SF3A1: variants seen among roughly 807,000 people sequenced by gnomAD.
The protein encoded by SF3A1 is SAP 114.
In SF3A1, 13 loss-of-function variants were observed where a neutral mutation model predicts 89.9. The ratio of observed to expected loss-of-function variants is 0.14; its 90% CI spans 0.09 to 0.23. The LOEUF (loss-of-function observed/expected upper bound fraction) is 0.23. Among genes scored for constraint, SF3A1 ranks in the 10% least tolerant of loss-of-function variants. The probability of loss-of-function intolerance (pLI) is 1.00; values close to 1 mark genes in which losing one functional copy is unlikely to be tolerated. For missense variants in SF3A1, 604 were observed against 1,022.1 expected (o/e 0.59, Z 5.58); for synonymous variants, 405 against 374.4 (o/e 1.08, Z -0.94).
At position 30,337,851 on chromosome 22, in the gene SF3A1, A is replaced by G; in HGVS notation, c.1790T>C (p.Met597Thr). The change falls in exon 12 of 16, where the codon ATG becomes ACG. Residue 597 changes from methionine (M) to threonine (T), a missense_variant. By Grantham distance (81) the Met-to-Thr change is moderately conservative. This residue lies in a region of SF3A1 where 85 missense variants were observed against 137.3 expected (regional missense o/e 0.62). Transcript: ENST00000215793. ...CACAGATGCCATTGGGGGCCGGGGCATGACGGGTACTGCGGAGACAACTGT... is the reference window on the plus strand; with the variant it reads ...CACAGATGCCATTGGGGGCCGGGGCGTGACGGGTACTGCGGAGACAACTGT... ...RTTVVSAVPV[M>T]PRPPMASVVR... The G allele has an allele frequency of 6.2e-7, 1 of 1,609,344 alleles. No homozygotes were observed. Among genetic ancestry groups the G allele is most frequent in the South Asian group, 1.1e-5 (1 of 89,248 alleles).
Position 30,350,313 on chromosome 22 carries a change from T to TA in SF3A1, c.185+2637dup, listed in dbSNP as rs898407699. ...ATCTATACAAAAAAACTAAAAAAAATAAAAAAAATAAAAAAAAAATTAGCT... is the reference window on the plus strand; with the variant it reads ...ATCTATACAAAAAAACTAAAAAAAATAAAAAAAAATAAAAAAAAAATTAGCT... On this transcript the variant is annotated intron_variant, in intron 2 of 15. Transcript: ENST00000215793. 1.1e-3 allele frequency among the ~76,000 whole-genome samples: 152 copies of TA among 139,488 alleles called. 4 individuals carry two copies. Among genetic ancestry groups the TA allele is most frequent in the South Asian group, 7.2e-3 (32 of 4,474 alleles). 91.5% of individuals were successfully genotyped at this position (139,488 alleles called of 152,430 possible).
At chr22:30,347,370 C>T (rs1931452742) in intron 2 of SF3A1, among the ~76,000 whole-genome samples, 1 of 152,118 alleles carries the variant, frequency 6.6e-6, no homozygotes, top group South Asian at 2.1e-4. Context: ...AAAACCACCC[C>T]CATTATACTG....
intron 2 of SF3A1, among the ~76,000 whole-genome samples, chr22:30,351,777 C>T (rs138816748): frequency 1.3e-3 from 203 of 152,348 alleles, no homozygotes; most frequent in African/African-American, 4.4e-3. Flanking sequence ...GGATTACAAG[C>T]AAGAGCCACA....
intron 4 of SF3A1, 131 bp downstream of exon 4, chr22:30,344,802 T>C: frequency 9.6e-7 from 1 of 1,041,614 alleles, no homozygotes; most frequent in Non-Finnish European, 1.4e-6. Context: ...TAAACTGGGA[T>C]TCAAAACATT....
At chr22:30,342,594 G>A (rs1433458159) in intron 5 of SF3A1, 1 of 624,888 alleles carries the variant, frequency 1.6e-6, no homozygotes, top group Non-Finnish European at 2.8e-6. Flanking sequence ...AAAAGAGGGA[G>A]ATATATTGAG....
Position 30,335,567 on chromosome 22 carries a change from T to C in SF3A1, c.2209-29A>G, listed in dbSNP as rs1387420426. 3 of 1,613,714 alleles carry C rather than the reference T, an allele frequency of 1.9e-6. No homozygotes were observed. In the South Asian group the frequency reaches 3.3e-5, roughly 18 times the overall value. The stretch of plus-strand genomic sequence containing the variant: ...TGGGATCAAGCAGCGGTCATTCAAC[T>C]CCTTGGTAAGGCCAGCTAGAGGAAG... On this transcript the variant is annotated intron_variant, in intron 14 of 15. Transcript: ENST00000215793.
At chr22:30,351,498 T>G (rs1931593701) in intron 2 of SF3A1, among the ~76,000 whole-genome samples, 1 of 152,116 alleles carries the variant, frequency 6.6e-6, no homozygotes, top group Non-Finnish European at 1.5e-5. Flanking sequence ...CCAGACTGAT[T>G]GTGAAATCTC....
intron 2 of SF3A1, among the ~76,000 whole-genome samples, chr22:30,351,624 C>T (rs999878914): frequency 1.3e-5 from 2 of 152,198 alleles, no homozygotes; most frequent in African/African-American, 4.8e-5. Flanking sequence ...CCTCAGCCTC[C>T]TAAGTAGCTG....
At chr22:30,350,488 A>G (rs956615089) in intron 2 of SF3A1, among the ~76,000 whole-genome samples, 1 of 152,094 alleles carries the variant, frequency 6.6e-6, no homozygotes, top group Non-Finnish European at 1.5e-5. Context: ...TCTCTAAAAA[A>G]GAAATGTTGG....
intron 13 of SF3A1, among the ~76,000 whole-genome samples, chr22:30,336,644 G>C (rs1331101551): frequency 6.6e-6 from 1 of 152,164 alleles, no homozygotes; most frequent in Non-Finnish European, 1.5e-5. Context: ...CTAAGGGCTA[G>C]AGCTGGGGAG....
intron 2 of SF3A1, among the ~76,000 whole-genome samples, chr22:30,351,453 GC>G (rs1931592386): frequency 6.6e-6 from 1 of 152,188 alleles, no homozygotes; most frequent in African/African-American, 2.4e-5. Context: ...TGCTGATTGG[GC>G]CTGCTTCCAC....
At chr22:30,343,993 C>G (rs1931343259) in intron 4 of SF3A1, among the ~76,000 whole-genome samples, 1 of 152,230 alleles carries the variant, frequency 6.6e-6, no homozygotes, top group Non-Finnish European at 1.5e-5. Context: ...AGGAAAACAA[C>G]CTCCATGACA....
chr22:30,350,606 A>G (rs17730748), intron 2 of SF3A1, among the ~76,000 whole-genome samples: 13,360 of 152,316 alleles, frequency 0.088, 788 homozygotes, highest in Middle Eastern at 0.14. Flanking sequence ...CATTATGAAG[A>G]CCATGGAGCA....
intron 1 of SF3A1, among the ~76,000 whole-genome samples, chr22:30,356,057 A>AT (rs1931814786): frequency 6.6e-6 from 1 of 152,180 alleles, no homozygotes; most frequent in African/African-American, 2.4e-5. Flanking sequence ...ATCACAGGGC[A>AT]TATCACACCA....
chr22:30,353,945 G>A (rs1269023795), intron 1 of SF3A1, among the ~76,000 whole-genome samples: 1 of 152,200 alleles, frequency 6.6e-6, no homozygotes, highest in Admixed American at 6.5e-5. Flanking sequence ...GCTTGGCATG[G>A]AATTTTTAAT....
chr22:30,338,804 C>A lies in SF3A1; in HGVS notation c.1728G>T (p.Val576=), dbSNP rs1413648799. The A allele has an allele frequency of 2.5e-6, 4 of 1,613,894 alleles. No individual in the cohort carries two copies. Among genetic ancestry groups the A allele is most frequent in the Admixed American group, 3.3e-5 (2 of 60,006 alleles). Reference sequence around the variant, plus strand: ...GCTGGCTTACTGTGGGTGGTCGGGGCACTGAAGTGATGGGTGGAGCCGAGC... The same window carrying A: ...GCTGGCTTACTGTGGGTGGTCGGGGAACTGAAGTGATGGGTGGAGCCGAGC... The part of the protein sequence containing the change: ...IPSSAPPITS[V]PRPPTMPPPV... The change falls in exon 11 of 16, where the codon GTG becomes GTT. Residue 576 remains valine (V), a synonymous_variant. Transcript: ENST00000215793.
intron 13 of SF3A1, among the ~76,000 whole-genome samples, chr22:30,336,721 C>G (rs139876592): frequency 2.0e-3 from 308 of 152,320 alleles, no homozygotes; most frequent in Middle Eastern, 3.4e-3. Context: ...CCCTCTCACA[C>G]GTGAGTTGTG....
rs1212801886 is a variant in SF3A1, at chr22:30,338,038, G to C, written c.1744-141C>G. ...TGGCCCCCTGGGACTGAGAAACTGT[G>C]GCCTACACTGGGCGTCCAATAGGAA... On this transcript the variant is annotated intron_variant, in intron 11 of 15. Transcript: ENST00000215793. The C allele has an allele frequency of 3.1e-5, 22 of 709,356 alleles. No homozygotes were observed. The East Asian group carries it at 5.4e-4, about 17-fold the overall frequency. The allele number at this position is 709,356 out of a possible 1,614,324, so 43.9% of individuals were successfully genotyped here.
rs1930980865 is a variant in SF3A1 at position 30,333,683 on chromosome 22, T to G, written c.*911A>C. ...CAGGAATACTCACATGAGGATTACA[T>G]GAGTTAAAATGGATAAAATGGATAA... On this transcript the variant is annotated 3_prime_UTR_variant, in exon 16 of 16. Coordinates refer to ENST00000215793, the MANE Select transcript of SF3A1 (RefSeq NM_005877.6). The G allele has an allele frequency of 6.6e-6, 1 of 152,254 alleles. No individual in the cohort carries two copies. The highest frequency in any genetic ancestry group is 1.5e-5 in the Non-Finnish European group (1 of 68,048). 9.4% of individuals were successfully genotyped at this position (152,254 alleles called of 1,614,324 possible). A position where few individuals can be genotyped will look rare whatever the true frequency, so the allele number is the denominator to read the frequency against.
Sources: gnomAD v4.1 joint callset for allele counts (sites outside exome capture counted in the v4.1 genomes callset) on GRCh38, gnomAD v4.1.1 for gene constraint, gnomAD v4.1.1 regional missense constraint, MANE v1.5 for transcripts, NCBI Gene and HGNC (gene_info 2026-07-23, HGNC 2026-07-21) for gene names.